The following MRTFB variants were observed in gnomAD, a reference collection of about 807,000 sequenced individuals.
MRTFB encodes myocardin related transcription factor B.
MRTFB carries 29 observed loss-of-function variants against 104.2 expected under a neutral mutation model. The ratio of observed to expected loss-of-function variants is 0.28; its 90% CI spans 0.21 to 0.38. The LOEUF is 0.38. Ranked by LOEUF, MRTFB falls within the 10% of genes least tolerant of loss-of-function variation. The pLI, the probability that MRTFB is intolerant of heterozygous loss-of-function variation, is 1.00. For missense variants in MRTFB, 1,270 were observed against 1,341.6 expected (o/e 0.95, Z 0.83); for synonymous variants, 535 against 519.5 (o/e 1.03, Z -0.41).
chr16:14,222,348 G>A (rs535240253), intron 8 of MRTFB, among the ~76,000 whole-genome samples: 43 of 152,124 alleles, frequency 2.8e-4, no homozygotes, highest in African/African-American at 6.0e-4. Flanking sequence ...GGCTGCATGC[G>A]GCCCAGGACA....
chr16:14,174,981 A>G (rs75514285), intron 3 of MRTFB, among the ~76,000 whole-genome samples: 4,806 of 152,200 alleles, frequency 0.032, 278 homozygotes, highest in African/African-American at 0.11. Context: ...CTGCTGCTCA[A>G]TCATTTTCAT....
At chr16:14,096,187 C>T (rs1386357585) in intron 2 of MRTFB, among the ~76,000 whole-genome samples, 3 of 152,068 alleles carry the variant, frequency 2.0e-5, no homozygotes, top group African/African-American at 7.2e-5. Flanking sequence ...AGTAATTCTG[C>T]CTCAGCCTTC....
At chr16:14,200,578 CT>C (rs2040651149) in intron 3 of MRTFB, 1 of 1,602,124 alleles carries the variant, frequency 6.2e-7, no homozygotes, top group South Asian at 1.1e-5. Context: ...TGTCATGTGA[CT>C]TTTGGGCAGT....
At chr16:14,016,306 GCT>G in the MRTFB span, among the ~76,000 whole-genome samples, 12 of 151,342 alleles carry the variant, frequency 7.9e-5, no homozygotes, top group Non-Finnish European at 1.0e-4. Flanking sequence ...CTGGAATAAG[GCT>G]CCTCCCAGTC....
chr16:14,170,011 A>T (rs76761318), intron 3 of MRTFB: 1 of 152,234 alleles, frequency 6.6e-6, no homozygotes, highest in African/African-American at 2.4e-5. Flanking sequence ...AGGAATTTCA[A>T]TAAGCTATAA....
chr16:14,010,595 C>A, the MRTFB span, among the ~76,000 whole-genome samples: 1 of 152,104 alleles, frequency 6.6e-6, no homozygotes, highest in African/African-American at 2.4e-5. Context: ...GCCACCATGC[C>A]TGGCTATTTT....
chr16:14,182,951 G>T (rs2039819344), intron 3 of MRTFB, among the ~76,000 whole-genome samples: 1 of 152,160 alleles, frequency 6.6e-6, no homozygotes, highest in Non-Finnish European at 1.5e-5. Flanking sequence ...ACTAATAAAT[G>T]TAGAAGGAAT....
At position 14,218,918 on chromosome 16, in the gene MRTFB, T is replaced by G; in HGVS notation, c.613T>G (p.Ser205Ala). ...TCCGGACCAGCCTGCGAGTCAGGAGTCACAGGGGTCAGCCGCGTCCCCAAG... is the reference window on the plus strand; with the variant it reads ...TCCGGACCAGCCTGCGAGTCAGGAGGCACAGGGGTCAGCCGCGTCCCCAAG... ...LSPDQPASQE[S>A]QGSAASPSEP... The change falls in exon 8 of 17, where the codon TCA (serine) becomes GCA (alanine). Residue 205 changes from serine (S) to alanine (A), a missense_variant. Coordinates refer to ENST00000571589, the MANE Select transcript of MRTFB (RefSeq NM_001308142.2). 6.2e-7 allele frequency: 1 copy of G among 1,613,434 alleles called. No homozygotes were observed. The highest frequency in any genetic ancestry group is 8.5e-7 in the Non-Finnish European group (1 of 1,179,850).
rs187107139 is a variant in MRTFB, at chr16:14,233,486, C to T, written c.694-660C>T. Among the ~76,000 whole-genome samples, 4 of 152,172 alleles carry T rather than the reference C, an allele frequency of 2.6e-5. No homozygotes were observed. The East Asian group carries it at 7.7e-4, about 29-fold the overall frequency. On this transcript the variant is annotated intron_variant, in intron 8 of 16. Transcript: ENST00000571589. The stretch of plus-strand genomic sequence containing the variant: ...CAGCATGACCTGTATAGCAAAGGGA[C>T]TTTATGAATACCATGTATTGACCAG...
intron 3 of MRTFB, among the ~76,000 whole-genome samples, chr16:14,207,041 C>T (rs1312282716): frequency 1.3e-5 from 2 of 152,110 alleles, no homozygotes; most frequent in African/African-American, 4.8e-5. Context: ...AAAGATCTTC[C>T]TTTCACTGCT....
Position 14,264,348 on chromosome 16 carries a change from G to T in MRTFB, c.*2904G>T, listed in dbSNP as rs1567236330. 6.6e-6 allele frequency: 1 copy of T among 152,198 alleles called. No individual in the cohort carries two copies. The highest frequency in any genetic ancestry group is 1.5e-5 in the Non-Finnish European group (1 of 68,036). The allele number at this position is 152,198 out of a possible 1,614,324, so 9.4% of individuals were successfully genotyped here. A position where few individuals can be genotyped will look rare whatever the true frequency, so the allele number is the denominator to read the frequency against. ...CAGATCATCCTACTGGGGGTGGGAT[G>T]AATTTAAAAGTTATACCAAAATTTC... On this transcript the variant is annotated 3_prime_UTR_variant, in exon 17 of 17. Transcript: ENST00000571589.
chr16:14,255,120 CAG>C (rs1218536589), intron 15 of MRTFB, among the ~76,000 whole-genome samples: 1 of 152,148 alleles, frequency 6.6e-6, no homozygotes, highest in Non-Finnish European at 1.5e-5. Context: ...ATCTGAATAA[CAG>C]AGATTGTGAA....
chr16:14,249,146 A>C (rs2043148269), intron 13 of MRTFB, 65 bp downstream of exon 13: 2 of 1,559,522 alleles, frequency 1.3e-6, no homozygotes, highest in African/African-American at 1.4e-5. Context: ...CATCCATTCA[A>C]CAAGCATCTT....
intron 3 of MRTFB, among the ~76,000 whole-genome samples, chr16:14,204,206 T>C (rs972352700): frequency 6.6e-6 from 1 of 152,040 alleles, no homozygotes; most frequent in Admixed American, 6.6e-5. Flanking sequence ...AAACTCCTGG[T>C]CTCAAGCCAT....
chr16:14,038,842 A>G, the MRTFB span, among the ~76,000 whole-genome samples: 1 of 152,218 alleles, frequency 6.6e-6, no homozygotes, highest in East Asian at 1.9e-4. Context: ...TAATGGACTC[A>G]CAGTTCCACA....
In MRTFB at chr16:14,217,250, C is replaced by T. The variant is rs750993232; in HGVS notation, c.477C>T (p.Ile159=). 1.9e-6 allele frequency: 3 copies of T among 1,613,362 alleles called. No homozygotes were observed. The highest frequency in any genetic ancestry group is 1.3e-5 in the African/African-American group (1 of 75,020). Residue 159 remains isoleucine, a synonymous_variant, in exon 7 of 17, where the codon ATC becomes ATT. Transcript: ENST00000571589. ...PGPMELVEKN[I]LPVDSSVKEA... ...CTATGGAGCTGGTAGAGAAAAACAT[C>T]CTTCCTGTGGACTCCAGTGTTAAAG...
chr16:14,014,529 A>G, the MRTFB span, among the ~76,000 whole-genome samples: 2 of 151,066 alleles, frequency 1.3e-5, no homozygotes, highest in South Asian at 2.1e-4. Context: ...GCGCTCCAAC[A>G]TGGGCAACAT....
upstream of MRTFB, among the ~76,000 whole-genome samples, chr16:14,066,416 G>A (rs2141732951): frequency 6.6e-6 from 1 of 151,862 alleles, no homozygotes; most frequent in South Asian, 2.1e-4. Context: ...TGGGATTACA[G>A]GTGCATGCCA....
At chr16:14,260,020 T>C (rs2043698638) in intron 16 of MRTFB, among the ~76,000 whole-genome samples, 2 of 152,248 alleles carry the variant, frequency 1.3e-5, no homozygotes, top group Non-Finnish European at 2.9e-5. Flanking sequence ...AAACCAATCA[T>C]AGCCTCATAA....
Sources: allele counts gnomAD v4.1 joint callset (sites outside exome capture counted in the v4.1 genomes callset), GRCh38; gene constraint gnomAD v4.1.1; transcripts MANE v1.5; gene names NCBI Gene and HGNC (gene_info 2026-07-23, HGNC 2026-07-21).